The following GLIS3 variants were observed in gnomAD, a reference collection of about 807,000 sequenced individuals.
GLIS3 encodes the protein GLIS family zinc finger 3, also known as zinc finger protein GLIS3.
A neutral mutation model predicts 78.6 loss-of-function variants in GLIS3; 53 were observed. That is an observed-to-expected ratio of 0.67 (90% confidence interval 0.54 to 0.85). The LOEUF is 0.85. Among genes scored for constraint, GLIS3 ranks in the 40% least tolerant of loss-of-function variants. GLIS3 has a pLI of 0.00. For synonymous variants in GLIS3, 684 were observed against 509.9 expected, an observed-to-expected ratio of 1.34 and a Z score of -4.60; for missense variants, 1,703 against 1,231.1, an observed-to-expected ratio of 1.38 and a Z score of -5.74.
chr9:4,172,484 C>A (rs1348652337), intron 2 of GLIS3, among the ~76,000 whole-genome samples: 1 of 152,130 alleles, frequency 6.6e-6, no homozygotes, highest in African/African-American at 2.4e-5. Flanking sequence ...TCCAAACGTA[C>A]AGTATTTTTA....
In GLIS3 at chr9:4,199,388, CAA is replaced by C. The variant is rs567280142; in HGVS notation, c.389-73449_389-73448del. Among the ~76,000 whole-genome samples the C allele has an allele frequency of 4.0e-5, 6 of 151,304 alleles. No individual in the cohort carries two copies. In the South Asian group the frequency reaches 8.4e-4, roughly 21 times the overall value. On this transcript the variant is annotated intron_variant, in intron 2 of 10. Coordinates refer to ENST00000381971, the MANE Select transcript of GLIS3 (RefSeq NM_001042413.2). ...GAAGATCTGTCACACAAATGCAACA[CAA>C]AAAAGAGTATAGGTAACTATCCTTA...
intron 2 of GLIS3, among the ~76,000 whole-genome samples, chr9:4,257,345 G>A (rs982879223): frequency 6.6e-6 from 1 of 152,086 alleles, no homozygotes; most frequent in South Asian, 2.1e-4. Flanking sequence ...GATGTGAGAT[G>A]CAAGTCAAAG....
chr9:4,311,426 A>G (rs1365827066), intron 2 of GLIS3, among the ~76,000 whole-genome samples: 1 of 152,016 alleles, frequency 6.6e-6, no homozygotes, highest in Admixed American at 6.6e-5. Flanking sequence ...TAACTAAATA[A>G]AGTGTTTAGC....
the GLIS3 span, among the ~76,000 whole-genome samples, chr9:4,485,433 G>C: frequency 6.6e-6 from 1 of 152,094 alleles, no homozygotes; most frequent in African/African-American, 2.4e-5. Context: ...CTCTGCATAA[G>C]GACCACTTTC....
the GLIS3 span, among the ~76,000 whole-genome samples, chr9:4,404,471 C>A: frequency 6.6e-6 from 1 of 152,188 alleles, no homozygotes; most frequent in Non-Finnish European, 1.5e-5. Flanking sequence ...TGTTAGCTCA[C>A]AGAACAAGTC....
intron 9 of GLIS3, among the ~76,000 whole-genome samples, chr9:3,847,198 T>A (rs953517631): frequency 1.4e-5 from 2 of 138,528 alleles, no homozygotes; most frequent in African/African-American, 5.3e-5. Context: ...AAAATAAAAT[T>A]AAATAAATAC....
At chr9:4,462,768 C>G in the GLIS3 span, among the ~76,000 whole-genome samples, 1 of 152,100 alleles carries the variant, frequency 6.6e-6, no homozygotes, top group Non-Finnish European at 1.5e-5. Flanking sequence ...CATGGCTGTG[C>G]CCCTGTGCTC....
At chr9:4,417,706 G>C in the GLIS3 span, among the ~76,000 whole-genome samples, 1 of 152,090 alleles carries the variant, frequency 6.6e-6, no homozygotes, top group Non-Finnish European at 1.5e-5. Context: ...TCCTCAAAAA[G>C]GTCATCTAAT....
chr9:4,272,052 C>T (rs1455316452), intron 2 of GLIS3, among the ~76,000 whole-genome samples: 2 of 152,202 alleles, frequency 1.3e-5, no homozygotes, highest in Non-Finnish European at 2.9e-5. Context: ...GTGCCCTCGT[C>T]ATGCGGCCAA....
At chr9:4,284,498 C>G (rs1263273435) in intron 2 of GLIS3, among the ~76,000 whole-genome samples, 1 of 151,996 alleles carries the variant, frequency 6.6e-6, no homozygotes, top group Admixed American at 6.6e-5. Context: ...AATGAGCAAC[C>G]TATTTTGGAT....
At chr9:4,269,603 T>G (rs1227517578) in intron 2 of GLIS3, among the ~76,000 whole-genome samples, 2 of 152,256 alleles carry the variant, frequency 1.3e-5, no homozygotes, top group Admixed American at 6.5e-5. Flanking sequence ...TACATCATTA[T>G]GTGTTCCAGT....
chr9:4,461,987 C>A, the GLIS3 span, among the ~76,000 whole-genome samples: 3 of 152,168 alleles, frequency 2.0e-5, no homozygotes, highest in South Asian at 6.2e-4. Flanking sequence ...TTGGTAAAAA[C>A]TATAAGATCT....
At chr9:4,250,730 C>A (rs1824291924) in intron 2 of GLIS3, among the ~76,000 whole-genome samples, 1 of 152,168 alleles carries the variant, frequency 6.6e-6, no homozygotes, top group Non-Finnish European at 1.5e-5. Flanking sequence ...ATCTTTCCCA[C>A]CTTCTTTTGT....
intron 4 of GLIS3, among the ~76,000 whole-genome samples, chr9:4,085,294 C>G (rs77448463): frequency 0.013 from 2,046 of 151,756 alleles, 54 homozygotes; most frequent in African/African-American, 0.047. Context: ...TCCATTTAAG[C>G]ATTGATATTT....
chr9:3,841,861 T>C lies in GLIS3; in HGVS notation c.2474-12369A>G, dbSNP rs193260800. 2.0e-4 allele frequency among the ~76,000 whole-genome samples: 30 copies of C among 152,330 alleles called. No homozygotes were observed. In the East Asian group the frequency reaches 3.9e-3, roughly 20 times the overall value. On this transcript the variant is annotated intron_variant, in intron 9 of 10. Transcript: ENST00000381971. The stretch of plus-strand genomic sequence containing the variant: ...CTGCTGTCTCATTATAAGCCTGGTG[T>C]TACCTGTCATCCTCCCTTCTCTGAG...
chr9:3,892,373 G>A (rs1563819438), intron 7 of GLIS3, among the ~76,000 whole-genome samples: 1 of 152,186 alleles, frequency 6.6e-6, no homozygotes, highest in South Asian at 2.1e-4. Context: ...TTTGAGTCAC[G>A]GCCGGGGCAC....
chr9:4,247,907 T>A (rs1187749214), intron 2 of GLIS3, among the ~76,000 whole-genome samples: 4 of 152,178 alleles, frequency 2.6e-5, no homozygotes, highest in Non-Finnish European at 2.9e-5. Context: ...GGTGATACAT[T>A]TGAAATTACT....
chr9:4,030,127 A>T (rs1264757059), intron 4 of GLIS3, among the ~76,000 whole-genome samples: 1 of 152,056 alleles, frequency 6.6e-6, no homozygotes, highest in Non-Finnish European at 1.5e-5. Flanking sequence ...TGTCTTTTGG[A>T]TATAAGCCAT....
chr9:4,241,539 G>C (rs1028226195), intron 2 of GLIS3, among the ~76,000 whole-genome samples: 7 of 151,884 alleles, frequency 4.6e-5, no homozygotes, highest in Non-Finnish European at 8.8e-5. Flanking sequence ...AAACTATAAA[G>C]ATTCGATCTT....
Sources: allele counts gnomAD v4.1 joint callset (sites outside exome capture counted in the v4.1 genomes callset), GRCh38; gene constraint gnomAD v4.1.1; transcripts MANE v1.5; gene names NCBI Gene and HGNC (gene_info 2026-07-23, HGNC 2026-07-21).